The following VWA3B variants were observed in gnomAD, a reference collection of about 807,000 sequenced individuals.
The protein encoded by VWA3B is von Willebrand factor A domain containing 3B.
A neutral mutation model predicts 158.3 loss-of-function variants in VWA3B; 138 were observed. The observed-to-expected ratio is 0.87, with a 90% CI of 0.76 to 1.00. The LOEUF is 1.00. Ranked by LOEUF, VWA3B falls within the 50% of genes least tolerant of loss-of-function variation. The probability of loss-of-function intolerance (pLI) is 0.00; values close to 1 mark genes in which losing one functional copy is unlikely to be tolerated. For missense variants in VWA3B, 1,555 were observed against 1,565.1 expected, an observed-to-expected ratio of 0.99 and a Z score of 0.11; for synonymous variants, 596 against 587.3, an observed-to-expected ratio of 1.01 and a Z score of -0.21.
At chr2:98,302,560 G>A (rs1035693614) in intron 25 of VWA3B, among the ~76,000 whole-genome samples, 1 of 152,210 alleles carries the variant, frequency 6.6e-6, no homozygotes, top group African/African-American at 2.4e-5. Context: ...GGACCTTACT[G>A]TGTGCCATGC....
chr2:98,224,067 A>C (rs1684726479), intron 14 of VWA3B, among the ~76,000 whole-genome samples: 1 of 152,246 alleles, frequency 6.6e-6, no homozygotes. Context: ...AGGGGAAATA[A>C]AAATATTCTC....
intron 1 of VWA3B, among the ~76,000 whole-genome samples, chr2:98,089,230 G>A (rs1369445956): frequency 1.3e-5 from 2 of 152,124 alleles, no homozygotes; most frequent in Non-Finnish European, 2.9e-5. Context: ...TGCCTGCTGC[G>A]TATGAGGCCC....
intron 6 of VWA3B, among the ~76,000 whole-genome samples, chr2:98,129,974 G>A (rs1205922681): frequency 1.3e-5 from 2 of 152,174 alleles, no homozygotes; most frequent in African/African-American, 4.8e-5. Context: ...ACAAAGTATA[G>A]AGAAAGAAAA....
chr2:98,114,068 C>T (rs1407835305), intron 2 of VWA3B, among the ~76,000 whole-genome samples: 16 of 152,184 alleles, frequency 1.1e-4, no homozygotes, highest in Admixed American at 1.0e-3. Context: ...AGATTGCTGT[C>T]TAATGCCTAC....
At chr2:98,116,058 C>T (rs914068095) in intron 3 of VWA3B, among the ~76,000 whole-genome samples, 4 of 152,288 alleles carry the variant, frequency 2.6e-5, no homozygotes, top group Non-Finnish European at 5.9e-5. Flanking sequence ...AAGCCAAGAG[C>T]AAACTGCCAT....
Position 98,274,587 on chromosome 2 carries a change from G to A in VWA3B, c.3045+3704G>A, listed in dbSNP as rs187866361. ...GAACGCGGAGTGTTCCCTGGGGAAC[G>A]TGGCAGGAGAGACGTTGGGCATGGG... On this transcript the variant is annotated intron_variant, in intron 22 of 27. Coordinates refer to ENST00000477737, the MANE Select transcript of VWA3B (RefSeq NM_144992.5). Among the ~76,000 whole-genome samples, 18 of 152,308 alleles carry A rather than the reference G, an allele frequency of 1.2e-4. No individual in the cohort carries two copies. The East Asian group carries it at 2.9e-3, about 25-fold the overall frequency.
chr2:98,169,980 G>A (rs1035381831), intron 8 of VWA3B, among the ~76,000 whole-genome samples: 1 of 152,024 alleles, frequency 6.6e-6, no homozygotes, highest in African/African-American at 2.4e-5. Flanking sequence ...AATTAGCCAG[G>A]CATGATGGTG....
intron 20 of VWA3B, among the ~76,000 whole-genome samples, chr2:98,254,163 T>A (rs1291199720): frequency 3.9e-5 from 6 of 152,208 alleles, no homozygotes; most frequent in African/African-American, 1.4e-4. Context: ...GTGATCACTT[T>A]ATGTATGCAT....
At chr2:98,124,264 T>C (rs1408896365) in intron 5 of VWA3B, among the ~76,000 whole-genome samples, 2 of 152,168 alleles carry the variant, frequency 1.3e-5, no homozygotes, top group African/African-American at 2.4e-5. Flanking sequence ...TTCATATTCT[T>C]GTGTTTGAGG....
intron 8 of VWA3B, 81 bp downstream of exon 8, chr2:98,163,057 G>A (rs533248498): frequency 6.4e-7 from 1 of 1,573,472 alleles, no homozygotes; most frequent in Non-Finnish European, 8.6e-7. Context: ...CCATGTTCCT[G>A]ACCAGAGAAG....
chr2:98,318,603 CAG>C, the VWA3B span, among the ~76,000 whole-genome samples: 1 of 151,950 alleles, frequency 6.6e-6, no homozygotes, highest in South Asian at 2.1e-4. Flanking sequence ...GGGAGAGAAA[CAG>C]AAAAAATAAC....
chr2:98,161,174 G>A (rs1678544284), intron 7 of VWA3B, among the ~76,000 whole-genome samples: 1 of 152,138 alleles, frequency 6.6e-6, no homozygotes, highest in Admixed American at 6.6e-5. Flanking sequence ...GGGGCTTTTC[G>A]GTGTATTTGG....
intron 20 of VWA3B, among the ~76,000 whole-genome samples, chr2:98,254,951 A>G (rs1216895042): frequency 6.6e-6 from 1 of 152,100 alleles, no homozygotes; most frequent in African/African-American, 2.4e-5. Flanking sequence ...GGTTAGAAGA[A>G]TGCCTCCTGA....
chr2:98,236,709 C>T lies in VWA3B; in HGVS notation c.2652C>T (p.Val884=), dbSNP rs770679722. ...STYVPVLDKH[V]VSKVFDEVFP... Reference sequence around the variant, plus strand: ...ATGTTCCCGTCCTGGACAAGCATGTCGTGTCTAAGGTCTTTGATGAGGTAA... The same window carrying T: ...ATGTTCCCGTCCTGGACAAGCATGTTGTGTCTAAGGTCTTTGATGAGGTAA... Residue 884 remains valine (V), a synonymous_variant, in exon 19 of 28, where the codon GTC becomes GTT. Transcript: ENST00000477737. 3.1e-6 allele frequency: 5 copies of T among 1,613,914 alleles called. No homozygotes were observed. Among genetic ancestry groups the T allele is most frequent in the South Asian group, 1.1e-5 (1 of 91,020 alleles).
intron 22 of VWA3B, among the ~76,000 whole-genome samples, chr2:98,281,226 G>A (rs1043738620): frequency 1.3e-5 from 2 of 152,180 alleles, no homozygotes; most frequent in Non-Finnish European, 2.9e-5. Context: ...GTTCCCAAAC[G>A]CTTCAGGTTA....
chr2:98,160,039 A>G (rs1012961715), intron 7 of VWA3B, among the ~76,000 whole-genome samples: 1 of 151,568 alleles, frequency 6.6e-6, no homozygotes, highest in African/African-American at 2.4e-5. Flanking sequence ...ATAAAGATAC[A>G]TACAGCTTCC....
intron 7 of VWA3B, among the ~76,000 whole-genome samples, chr2:98,151,894 G>A (rs1026724580): frequency 1.3e-5 from 2 of 152,190 alleles, no homozygotes; most frequent in African/African-American, 4.8e-5. Flanking sequence ...AGTGGGTTTT[G>A]TTGTAGATAT....
intron 12 of VWA3B, 71 bp from the exon 13 acceptor site, chr2:98,211,859 G>GA: frequency 7.3e-7 from 1 of 1,366,248 alleles, no homozygotes. Context: ...TTTGGAAGCA[G>GA]AAAATAAATA....
At chr2:98,305,464 G>A (rs1574321432) in intron 26 of VWA3B, among the ~76,000 whole-genome samples, 1 of 152,190 alleles carries the variant, frequency 6.6e-6, no homozygotes, top group Non-Finnish European at 1.5e-5. Flanking sequence ...GGATGACAGT[G>A]ATGTGAAGAT....
Sources: allele counts gnomAD v4.1 joint callset (sites outside exome capture counted in the v4.1 genomes callset), GRCh38; gene constraint gnomAD v4.1.1; transcripts MANE v1.5; gene names NCBI Gene and HGNC (gene_info 2026-07-23, HGNC 2026-07-21).